Variants in CDC23 observed in about 807,000 individuals in gnomAD.
The protein encoded by CDC23 is cell division cycle 23, also known as cell division cycle protein 23 homolog.
In CDC23, 26 loss-of-function variants were observed where a neutral mutation model predicts 81.7. The ratio of observed to expected loss-of-function variants is 0.32; its 90% CI spans 0.23 to 0.44. The LOEUF is 0.44. Ranked by LOEUF, CDC23 falls within the 20% of genes least tolerant of loss-of-function variation. CDC23 has a pLI of 1.00. For missense variants in CDC23, 519 were observed against 728.0 expected, an observed-to-expected ratio of 0.71 and a Z score of 3.30; for synonymous variants, 267 against 270.8, an observed-to-expected ratio of 0.99 and a Z score of 0.14.
intron 6 of CDC23, among the ~76,000 whole-genome samples, chr5:138,200,617 C>T (rs575799843): frequency 8.6e-4 from 131 of 152,074 alleles, no homozygotes; most frequent in Admixed American, 1.7e-3. Context: ...GTCAGGAGTT[C>T]GAAGCCAGCC....
At chr5:138,190,002 T>C in intron 13 of CDC23, 96 bp from the exon 14 acceptor site, 2 of 911,396 alleles carry the variant, frequency 2.2e-6, no homozygotes, top group South Asian at 2.8e-5. Flanking sequence ...AAACAATACA[T>C]AGGTAAGTAT....
chr5:138,201,568 A>C, intron 4 of CDC23, 120 bp from the exon 5 acceptor site: 1 of 691,558 alleles, frequency 1.4e-6, no homozygotes, highest in Non-Finnish European at 2.3e-6. Flanking sequence ...GCTGGTCTCA[A>C]ACTCCTGGGC....
chr5:138,198,053 G>A, intron 9 of CDC23, 146 bp downstream of exon 9: 1 of 615,692 alleles, frequency 1.6e-6, no homozygotes, highest in Non-Finnish European at 2.8e-6. Context: ...TGACATCTGG[G>A]CTCTCAAGCG....
At chr5:138,203,068 C>T (rs1412882454) in intron 3 of CDC23, among the ~76,000 whole-genome samples, 1 of 151,976 alleles carries the variant, frequency 6.6e-6, no homozygotes, top group African/African-American at 2.4e-5. Flanking sequence ...AGATGCGATG[C>T]CCTGTGAAAA....
intron 13 of CDC23, 89 bp downstream of exon 13, chr5:138,191,385 G>A: frequency 9.8e-7 from 1 of 1,019,970 alleles, no homozygotes; most frequent in Non-Finnish European, 1.6e-6. Context: ...GTAGAATGAT[G>A]GGTGTATGGG....
chr5:138,190,858 T>C (rs1223641811), intron 13 of CDC23, among the ~76,000 whole-genome samples: 1 of 136,966 alleles, frequency 7.3e-6, no homozygotes, highest in Non-Finnish European at 1.6e-5. Flanking sequence ...AGCAAGATCC[T>C]ATCTATAAAT....
At position 138,188,781 on chromosome 5, in the gene CDC23, G is replaced by T; in HGVS notation, c.*197C>A. 2.2e-6 allele frequency: 1 copy of T among 463,796 alleles called. No homozygotes were observed. Among genetic ancestry groups the T allele is most frequent in the South Asian group, 4.4e-5 (1 of 22,520 alleles). 28.7% of individuals were successfully genotyped at this position (463,796 alleles called of 1,614,324 possible). The stretch of plus-strand genomic sequence containing the variant: ...AAGTGAGACAGAAGTACTTCTAACT[G>T]GCAAGATAATGTCTGTTCCTGCCAG... On this transcript the variant is annotated 3_prime_UTR_variant, in exon 16 of 16. Transcript: ENST00000394886.
chr5:138,203,963 G>A (rs1037842898), intron 3 of CDC23, among the ~76,000 whole-genome samples: 2 of 152,008 alleles, frequency 1.3e-5, no homozygotes, highest in African/African-American at 4.8e-5. Flanking sequence ...AGTATCAAAT[G>A]CCATATTTAA....
In CDC23 at chr5:138,187,979, T is replaced by C. The variant is rs985627086; in HGVS notation, c.*999A>G. 6.4e-6 allele frequency: 1 copy of C among 155,574 alleles called. No homozygotes were observed. The allele number at this position is 155,574 out of a possible 1,614,324, so 9.6% of individuals were successfully genotyped here. A position where few individuals can be genotyped will look rare whatever the true frequency, so the allele number is the denominator to read the frequency against. ...ATCCATAGCATCTACTGTGCAAATATATTACAGCAGACATTATAGCATATT... is the reference window on the plus strand; with the variant it reads ...ATCCATAGCATCTACTGTGCAAATACATTACAGCAGACATTATAGCATATT... On this transcript the variant is annotated 3_prime_UTR_variant, in exon 16 of 16. Coordinates refer to ENST00000394886, the MANE Select transcript of CDC23 (RefSeq NM_004661.4).
chr5:138,213,258 C>G lies in CDC23; in HGVS notation c.55G>C (p.Val19Leu), dbSNP rs556500332. 18 of 1,613,974 alleles carry G rather than the reference C, an allele frequency of 1.1e-5. No individual in the cohort carries two copies. Among genetic ancestry groups the G allele is most frequent in the Non-Finnish European group, 1.5e-5 (18 of 1,180,042 alleles). Residue 19 changes from valine to leucine, a missense_variant, in exon 1 of 16, where the codon GTC (valine) becomes CTC (leucine). Val to Leu is a conservative substitution (Grantham distance 32). Around this residue, in one of 4 missense-constraint regions of CDC23, gnomAD observed 126 missense variants for 116.2 expected, o/e 1.08. Coordinates refer to ENST00000394886, the MANE Select transcript of CDC23 (RefSeq NM_004661.4). ...PVAVTAAVAP[V>L]LSINSDFSDL... ...GAGAAATCGCTGTTTATGGACAGGACAGGCGCCACTGCCGCCGTCACAGCC... is the reference window on the plus strand; with the variant it reads ...GAGAAATCGCTGTTTATGGACAGGAGAGGCGCCACTGCCGCCGTCACAGCC...
chr5:138,211,538 C>T (rs951556917), intron 2 of CDC23, among the ~76,000 whole-genome samples: 33 of 152,044 alleles, frequency 2.2e-4, no homozygotes, highest in African/African-American at 8.0e-4. Flanking sequence ...TGACGGGTGC[C>T]TGTAATCCGA....
intron 9 of CDC23, among the ~76,000 whole-genome samples, chr5:138,195,541 TATATAATATAATTATATATA>T (rs1754876568): frequency 8.8e-6 from 1 of 114,194 alleles, no homozygotes; most frequent in Non-Finnish European, 1.7e-5. Context: ...TATATATTTA[TATATAATATAATTATATATA>T]ATATATTTAT....
intron 6 of CDC23, 48 bp from the exon 7 acceptor site, chr5:138,198,830 T>C: frequency 6.4e-7 from 1 of 1,556,136 alleles, no homozygotes; most frequent in Non-Finnish European, 8.7e-7. Flanking sequence ...TTGACCTCTC[T>C]CTCAAACAAA....
At chr5:138,199,239 C>T (rs1191641116) in intron 6 of CDC23, among the ~76,000 whole-genome samples, 1 of 151,996 alleles carries the variant, frequency 6.6e-6, no homozygotes, top group African/African-American at 2.4e-5. Flanking sequence ...TAATGGGATA[C>T]AATAGGGAAC....
rs763904476 is a variant in CDC23, at chr5:138,188,937, T to C, written c.*41A>G. 6.3e-7 allele frequency: 1 copy of C among 1,593,298 alleles called. No individual in the cohort carries two copies. Among genetic ancestry groups the C allele is most frequent in the Non-Finnish European group, 8.6e-7 (1 of 1,167,354 alleles). ...TTCTTTACATGGAGGTAAGGCTTAA[T>C]TAAGATGGGTCTAACAATGTGCTGG... is the stretch of plus-strand genomic sequence containing the variant. On this transcript the variant is annotated 3_prime_UTR_variant, in exon 16 of 16. Coordinates refer to ENST00000394886, the MANE Select transcript of CDC23 (RefSeq NM_004661.4).
chr5:138,193,898 C>T (rs1332872496), intron 9 of CDC23, among the ~76,000 whole-genome samples: 2 of 151,034 alleles, frequency 1.3e-5, no homozygotes, highest in African/African-American at 4.9e-5. Context: ...GCAGAGGTTG[C>T]GGTGAGCCAA....
intron 3 of CDC23, among the ~76,000 whole-genome samples, chr5:138,204,525 C>T (rs915424574): frequency 1.3e-5 from 2 of 149,830 alleles, no homozygotes; most frequent in African/African-American, 4.9e-5. Context: ...AAAAAAAGTA[C>T]ATAAGTATTC....
At position 138,198,300 on chromosome 5, in the gene CDC23, C is replaced by A. The variant is rs939241978; in HGVS notation, c.931-20G>T. 8.1e-6 allele frequency: 13 copies of A among 1,604,604 alleles called. No homozygotes were observed. The African/African-American group carries it at 1.3e-4, about 17-fold the overall frequency. On this transcript the variant is annotated intron_variant, in intron 8 of 15. Transcript: ENST00000394886. ...CATGCTCTGGGATAAAAGAAAAAGA[C>A]AATATAAGCATGAAAAAAGAACTCC...
In CDC23 at chr5:138,198,659, A is replaced by G. The variant is rs1250137046; in HGVS notation, c.778T>C (p.Ser260Pro). Residue 260 changes from serine (S) to proline (P), a missense_variant, in exon 7 of 16, where the codon TCT becomes CCT. Transcript: ENST00000394886. Reference sequence around the variant, plus strand: ...TGGGAAACAATATACGAGCTCTTAGAGAAGCCCACATCAATGAGATTCTGA... The same window carrying G: ...TGGGAAACAATATACGAGCTCTTAGGGAAGCCCACATCAATGAGATTCTGA... ...KYQNLIDVGF[S>P]KSSYIVSQIA... 5 of 1,614,078 alleles carry G rather than the reference A, an allele frequency of 3.1e-6. No homozygotes were observed. The highest frequency in any genetic ancestry group is 3.4e-6 in the Non-Finnish European group (4 of 1,180,038).
Sources: gnomAD v4.1 joint callset for allele counts (sites outside exome capture counted in the v4.1 genomes callset) on GRCh38, gnomAD v4.1.1 for gene constraint, gnomAD v4.1.1 regional missense constraint, MANE v1.5 for transcripts, NCBI Gene and HGNC (gene_info 2026-07-23, HGNC 2026-07-21) for gene names.